HSD17B12: variants seen among roughly 807,000 people sequenced by gnomAD.
The protein encoded by HSD17B12 is very-long-chain 3-oxoacyl-CoA reductase.
Under a neutral mutation model 39.3 loss-of-function variants are expected in HSD17B12, and 32 were observed. That is an observed-to-expected ratio of 0.81 (90% CI 0.61 to 1.09). The LOEUF is 1.09. Ranked by LOEUF, HSD17B12 falls within the 50% of genes least tolerant of loss-of-function variation. HSD17B12 has a pLI of 0.00. For synonymous variants in HSD17B12, 150 were observed against 146.7 expected (o/e 1.02, Z -0.16); for missense variants, 342 against 382.9 (o/e 0.89, Z 0.89).
chr11:43,558,675 G>A, the HSD17B12 span, among the ~76,000 whole-genome samples: 2 of 152,056 alleles, frequency 1.3e-5, no homozygotes, highest in Admixed American at 6.6e-5. Context: ...TTTGGACTGG[G>A]CTGGTAGTTG....
At chr11:43,573,664 C>A in the HSD17B12 span, among the ~76,000 whole-genome samples, 1 of 152,188 alleles carries the variant, frequency 6.6e-6, no homozygotes, top group African/African-American at 2.4e-5. Context: ...CAATAACACT[C>A]AGCCACTATA....
At chr11:43,632,715 G>C in the HSD17B12 span, among the ~76,000 whole-genome samples, 27 of 152,132 alleles carry the variant, frequency 1.8e-4, no homozygotes, top group East Asian at 2.1e-3. Context: ...AGTTCATGTT[G>C]ACTCTATAAA....
chr11:43,602,757 G>C, the HSD17B12 span, among the ~76,000 whole-genome samples: 1 of 152,156 alleles, frequency 6.6e-6, no homozygotes, highest in South Asian at 2.1e-4. Context: ...TATCATCTTA[G>C]TTGTTGTAAT....
At chr11:43,727,138 G>A (rs1185824368) in intron 1 of HSD17B12, among the ~76,000 whole-genome samples, 2 of 152,186 alleles carry the variant, frequency 1.3e-5, no homozygotes, top group African/African-American at 4.8e-5. Flanking sequence ...TACTCAGATA[G>A]CATATGGTAG....
At chr11:43,612,598 G>A in the HSD17B12 span, among the ~76,000 whole-genome samples, 1 of 152,198 alleles carries the variant, frequency 6.6e-6, no homozygotes, top group Non-Finnish European at 1.5e-5. Context: ...TAGAGATGGG[G>A]TTTCACCATG....
the HSD17B12 span, among the ~76,000 whole-genome samples, chr11:43,610,679 A>G: frequency 4.6e-5 from 7 of 152,198 alleles, no homozygotes; most frequent in East Asian, 1.3e-3. Flanking sequence ...AAGAAGATGT[A>G]CAAGATACTT....
intron 6 of HSD17B12, among the ~76,000 whole-genome samples, chr11:43,821,434 T>G (rs991877775): frequency 6.6e-6 from 1 of 152,236 alleles, no homozygotes; most frequent in African/African-American, 2.4e-5. Flanking sequence ...GACAGAGCTT[T>G]CTTCTGATTG....
At chr11:43,624,611 G>A in the HSD17B12 span, among the ~76,000 whole-genome samples, 1 of 151,740 alleles carries the variant, frequency 6.6e-6, no homozygotes, top group Non-Finnish European at 1.5e-5. Flanking sequence ...TAACAATCAA[G>A]CTATGAAAAT....
intron 1 of HSD17B12, chr11:43,681,435 C>A (rs1434985710): frequency 6.5e-6 from 1 of 154,462 alleles, no homozygotes; most frequent in Admixed American, 6.5e-5. Context: ...ATTCTGTTAA[C>A]ATGTTTGGGC....
chr11:43,620,775 AG>A, the HSD17B12 span, among the ~76,000 whole-genome samples: 1 of 152,250 alleles, frequency 6.6e-6, no homozygotes, highest in East Asian at 1.9e-4. Context: ...CTAAAAGACG[AG>A]AACTCTGGTC....
At chr11:43,848,806 TC>T (rs1007899408) in intron 9 of HSD17B12, among the ~76,000 whole-genome samples, 10 of 152,266 alleles carry the variant, frequency 6.6e-5, no homozygotes, top group African/African-American at 2.4e-4. Flanking sequence ...TATTTTCACA[TC>T]CCAAACTTAA....
chr11:43,746,965 G>A (rs1950417661), intron 1 of HSD17B12, among the ~76,000 whole-genome samples: 1 of 152,176 alleles, frequency 6.6e-6, no homozygotes, highest in Non-Finnish European at 1.5e-5. Context: ...CACAGTTGTA[G>A]GCTTAATGCA....
intron 2 of HSD17B12, among the ~76,000 whole-genome samples, chr11:43,752,486 G>C (rs1373083041): frequency 6.6e-6 from 1 of 152,194 alleles, no homozygotes; most frequent in South Asian, 2.1e-4. Context: ...GGCTGAGGTG[G>C]GTGGATCACC....
the HSD17B12 span, chr11:43,641,125 C>G: frequency 6.6e-6 from 1 of 151,644 alleles, no homozygotes; most frequent in Non-Finnish European, 1.5e-5. Context: ...CTTTGCTTAT[C>G]TTAACTGATG....
At chr11:43,718,897 T>C (rs991367826) in intron 1 of HSD17B12, 44 of 934,238 alleles carry the variant, frequency 4.7e-5, no homozygotes, top group Non-Finnish European at 7.3e-5. Context: ...TTGACCACTA[T>C]GCTGTCATCA....
At chr11:43,562,556 A>G in the HSD17B12 span, among the ~76,000 whole-genome samples, 1 of 152,186 alleles carries the variant, frequency 6.6e-6, no homozygotes, top group African/African-American at 2.4e-5. Context: ...TTTATTTTTT[A>G]TTATTATTTT....
At chr11:43,809,833 A>C (rs1343551019) in intron 4 of HSD17B12, among the ~76,000 whole-genome samples, 1 of 152,192 alleles carries the variant, frequency 6.6e-6, no homozygotes, top group Non-Finnish European at 1.5e-5. Flanking sequence ...TAAGTAAATA[A>C]ATAAGCAAAT....
At chr11:43,762,561 C>T (rs1398230141) in intron 3 of HSD17B12, among the ~76,000 whole-genome samples, 3 of 152,186 alleles carry the variant, frequency 2.0e-5, no homozygotes, top group African/African-American at 4.8e-5. Context: ...ATGTAGCAAC[C>T]ACCTGTTAAT....
At chr11:43,779,166 A>C (rs1194626821) in intron 3 of HSD17B12, among the ~76,000 whole-genome samples, 1 of 152,170 alleles carries the variant, frequency 6.6e-6, no homozygotes, top group Non-Finnish European at 1.5e-5. Flanking sequence ...CTTTGTCTTC[A>C]TCTAGTTTCA....
Sources: gnomAD v4.1 joint callset for allele counts (sites outside exome capture counted in the v4.1 genomes callset) on GRCh38, gnomAD v4.1.1 for gene constraint, MANE v1.5 for transcripts, NCBI Gene and HGNC (gene_info 2026-07-23, HGNC 2026-07-21) for gene names.